The following PDE2A variants were observed in gnomAD, a reference collection of about 807,000 sequenced individuals.
The protein encoded by PDE2A is cGMP-dependent 3',5'-cyclic phosphodiesterase.
PDE2A carries 53 observed loss-of-function variants against 133.6 expected under a neutral mutation model. The ratio of observed to expected loss-of-function variants is 0.40; its 90% CI spans 0.32 to 0.50. The LOEUF (loss-of-function observed/expected upper bound fraction) is 0.50, where lower values mean the gene tolerates loss of function less well. PDE2A is among the 20% of genes least tolerant of loss of function. The probability of loss-of-function intolerance (pLI) is 0.73; values close to 1 mark genes in which losing one functional copy is unlikely to be tolerated. For synonymous variants in PDE2A, 491 were observed against 490.2 expected (o/e 1.00, Z -0.02); for missense variants, 796 against 1,232.4 (o/e 0.65, Z 5.30).
At chr11:72,636,686 C>T (rs1323349690) in intron 2 of PDE2A, among the ~76,000 whole-genome samples, 1 of 152,182 alleles carries the variant, frequency 6.6e-6, no homozygotes, top group African/African-American at 2.4e-5. Context: ...TTCACGTCTA[C>T]AGCTGTCCAG....
chr11:72,658,142 A>G (rs116603493), intron 1 of PDE2A: 18 of 455,906 alleles, frequency 3.9e-5, no homozygotes, highest in African/African-American at 8.0e-5. Context: ...CTCCCATCCA[A>G]TCCTCTGGGA....
intron 3 of PDE2A, among the ~76,000 whole-genome samples, chr11:72,607,481 C>G (rs924040928): frequency 1.3e-5 from 2 of 152,110 alleles, no homozygotes; most frequent in Non-Finnish European, 2.9e-5. Context: ...TATTTTTGGG[C>G]GCCAACACAC....
intron 2 of PDE2A, among the ~76,000 whole-genome samples, chr11:72,611,864 G>A (rs1857225016): frequency 6.6e-6 from 1 of 152,188 alleles, no homozygotes; most frequent in Admixed American, 6.5e-5. Context: ...AGATCTCAAA[G>A]CAACTTCACC....
chr11:72,642,086 G>T (rs1565188850), intron 2 of PDE2A, among the ~76,000 whole-genome samples, 168 bp downstream of exon 2: 1 of 152,216 alleles, frequency 6.6e-6, no homozygotes, highest in Non-Finnish European at 1.5e-5. Context: ...TGGACTGAGA[G>T]CTGGGGCTTC....
intron 3 of PDE2A, among the ~76,000 whole-genome samples, chr11:72,607,289 C>T (rs1857010394): frequency 6.6e-6 from 1 of 152,164 alleles, no homozygotes; most frequent in African/African-American, 2.4e-5. Context: ...GCCAGGGCAC[C>T]CTGCCTGTGA....
intron 4 of PDE2A, chr11:72,598,755 G>A: frequency 1.0e-6 from 1 of 985,418 alleles, no homozygotes. Flanking sequence ...GGACCAAAGA[G>A]GTTGAGCATC....
At chr11:72,643,407 GC>G (rs1859040809) in intron 1 of PDE2A, 1 of 152,336 alleles carries the variant, frequency 6.6e-6, no homozygotes. Flanking sequence ...GCCTTTGCCA[GC>G]GACTTGCCGC....
Position 72,580,943 on chromosome 11 carries a change from G to A in PDE2A, c.2076C>T (p.Ser692=), listed in dbSNP as rs1342880069. 4.3e-6 allele frequency: 7 copies of A among 1,613,436 alleles called. No individual in the cohort carries two copies. In the South Asian group the frequency reaches 6.6e-5, roughly 15 times the overall value. Residue 692 remains serine (S), a synonymous_variant, in exon 24 of 31, where the codon TCC becomes TCT. Coordinates refer to ENST00000334456, the MANE Select transcript of PDE2A (RefSeq NM_002599.5). ...TGTGGTCCAGGTCATGACACATGCA[G>A]GAAATAAACAAGGCAAAGATCTCGA... ...EDIEIFALFI[S]CMCHDLDHRG... is the part of the protein sequence containing the mutation.
chr11:72,633,481 T>A (rs1031222319), intron 2 of PDE2A, among the ~76,000 whole-genome samples: 5 of 152,180 alleles, frequency 3.3e-5, no homozygotes, highest in African/African-American at 1.2e-4. Context: ...GAAGATGGTC[T>A]TCAGGGGTCC....
At chr11:72,652,378 C>T (rs955824568) in intron 1 of PDE2A, 1 of 402,812 alleles carries the variant, frequency 2.5e-6, no homozygotes, top group South Asian at 1.8e-5. Context: ...TCCCTAGTAG[C>T]TGGAATTACA....
intron 1 of PDE2A, among the ~76,000 whole-genome samples, chr11:72,659,620 C>T (rs1854994398): frequency 1.3e-5 from 2 of 152,032 alleles, no homozygotes. Flanking sequence ...AAAAGTGACC[C>T]CCTTCTTTTC....
intron 1 of PDE2A, among the ~76,000 whole-genome samples, chr11:72,656,857 T>C (rs78507422): frequency 0.059 from 8,950 of 152,002 alleles, 316 homozygotes; most frequent in East Asian, 0.1. Flanking sequence ...ATCTCTAAAA[T>C]GAACCCTCCC....
intron 2 of PDE2A, among the ~76,000 whole-genome samples, chr11:72,625,570 G>A (rs1858016262): frequency 6.6e-6 from 1 of 152,210 alleles, no homozygotes; most frequent in South Asian, 2.1e-4. Flanking sequence ...AAGGCAGCCT[G>A]AGGAGGGGAC....
Position 72,656,483 on chromosome 11 carries a change from G to A in PDE2A, c.72-14157C>T, listed in dbSNP as rs537300465. On this transcript the variant is annotated intron_variant, in intron 1 of 30. Coordinates refer to ENST00000334456, the MANE Select transcript of PDE2A (RefSeq NM_002599.5). ...CTGGGCTGGGTCTCCAAAGACCCAAGTTTGAATCCATCTCTGACCCTAATG... is the reference window on the plus strand; with the variant it reads ...CTGGGCTGGGTCTCCAAAGACCCAAATTTGAATCCATCTCTGACCCTAATG... 5.3e-5 allele frequency among the ~76,000 whole-genome samples: 8 copies of A among 152,242 alleles called. No individual in the cohort carries two copies. In the South Asian group the frequency reaches 1.5e-3, roughly 28 times the overall value.
chr11:72,586,891 C>T (rs1856001515), intron 13 of PDE2A, among the ~76,000 whole-genome samples: 1 of 152,218 alleles, frequency 6.6e-6, no homozygotes. Context: ...ATCCCCCATT[C>T]ATGCTTGCCA....
intron 24 of PDE2A, 85 bp downstream of exon 24, chr11:72,580,801 C>T (rs1855691696): frequency 9.8e-7 from 1 of 1,022,668 alleles, no homozygotes; most frequent in Non-Finnish European, 1.6e-6. Flanking sequence ...GTCTCACTCG[C>T]TCCCACCCAT....
intron 1 of PDE2A, 170 bp from the exon 2 acceptor site, chr11:72,642,496 C>T: frequency 1.5e-6 from 1 of 679,178 alleles, no homozygotes; most frequent in Non-Finnish European, 1.8e-6. Flanking sequence ...GCCCCCCGCC[C>T]GCCCCCGGCC....
chr11:72,648,340 G>A (rs775271383), intron 1 of PDE2A, among the ~76,000 whole-genome samples: 7 of 152,180 alleles, frequency 4.6e-5, no homozygotes, highest in Non-Finnish European at 1.0e-4. Flanking sequence ...CTCTGTGTCC[G>A]CTGGCTATGG....
intron 1 of PDE2A, chr11:72,657,906 A>C (rs1591136354): frequency 2.2e-6 from 1 of 456,014 alleles, no homozygotes; most frequent in African/African-American, 2.0e-5. Flanking sequence ...CCATGATGGG[A>C]GCCTCCCACC....
Sources: allele counts gnomAD v4.1 joint callset (sites outside exome capture counted in the v4.1 genomes callset), GRCh38; gene constraint gnomAD v4.1.1; transcripts MANE v1.5; gene names NCBI Gene and HGNC (gene_info 2026-07-23, HGNC 2026-07-21).